ADTRP: variants seen among roughly 807,000 people sequenced by gnomAD.
ADTRP encodes androgen dependent TFPI regulating protein, also known as androgen-dependent TFPI-regulating protein.
In ADTRP, 20 loss-of-function variants were observed where a neutral mutation model predicts 27.0. The ratio of observed to expected loss-of-function variants is 0.74; its 90% confidence interval spans 0.52 to 1.08. ADTRP has a LOEUF of 1.08. Among genes scored for constraint, ADTRP ranks in the 50% least tolerant of loss-of-function variants. ADTRP has a pLI of 0.00. For missense variants in ADTRP, 251 were observed against 275.0 expected, an observed-to-expected ratio of 0.91 and a Z score of 0.62; for synonymous variants, 101 against 105.2, an observed-to-expected ratio of 0.96 and a Z score of 0.25.
At chr6:11,752,078 G>C (rs1183241107) in intron 3 of ADTRP, among the ~76,000 whole-genome samples, 2 of 152,024 alleles carry the variant, frequency 1.3e-5, no homozygotes, top group Non-Finnish European at 1.5e-5. Flanking sequence ...TTGAATCCGA[G>C]GATTACTTTT....
chr6:11,776,397 C>T (rs1013414692), intron 1 of ADTRP, among the ~76,000 whole-genome samples: 1 of 152,062 alleles, frequency 6.6e-6, no homozygotes, highest in African/African-American at 2.4e-5. Context: ...GAAATATAGA[C>T]AGTTAGGGTT....
intron 3 of ADTRP, among the ~76,000 whole-genome samples, chr6:11,757,791 C>T (rs2113303757): frequency 6.6e-6 from 1 of 152,320 alleles, no homozygotes; most frequent in South Asian, 2.1e-4. Flanking sequence ...CTGAAGAAGG[C>T]ATGGAGTAGA....
chr6:11,727,239 C>T lies in ADTRP; in HGVS notation c.507-3739G>A, dbSNP rs184231866. The stretch of plus-strand genomic sequence containing the variant: ...GTTTCACCATGTTGGTCAGGATGGT[C>T]TCAAACTCCTGACCTTGTGATCCGC... On this transcript the variant is annotated intron_variant, in intron 4 of 5. Transcript: ENST00000414691. Among the ~76,000 whole-genome samples the T allele has an allele frequency of 1.8e-3, 281 of 152,184 alleles. 1 individual carries two copies. Among genetic ancestry groups the T allele is most frequent in the Middle Eastern group, 0.01 (3 of 294 alleles).
intron 3 of ADTRP, among the ~76,000 whole-genome samples, chr6:11,750,615 G>A (rs752851683): frequency 3.3e-5 from 5 of 152,278 alleles, no homozygotes; most frequent in Admixed American, 6.5e-5. Flanking sequence ...TCTCCTCCAG[G>A]AGAGGATCAG....
chr6:11,753,214 T>C (rs976210334), intron 3 of ADTRP, among the ~76,000 whole-genome samples: 1 of 152,248 alleles, frequency 6.6e-6, no homozygotes, highest in African/African-American at 2.4e-5. Flanking sequence ...AATCTGACTT[T>C]TAGGGATCAA....
chr6:11,714,309 C>T lies in ADTRP; in HGVS notation c.*169G>A, dbSNP rs995185303. On this transcript the variant is annotated 3_prime_UTR_variant, in exon 6 of 6. Coordinates refer to ENST00000414691, the MANE Select transcript of ADTRP (RefSeq NM_032744.4). ...TCAACCTTTCAAAAAACCAAGAGTT[C>T]TCAAGTTAAGCTACCTTCACGAACC... 12 of 716,034 alleles carry T rather than the reference C, an allele frequency of 1.7e-5. No individual in the cohort carries two copies. The highest frequency in any genetic ancestry group is 4.0e-4 in the Middle Eastern group (1 of 2,494). 44.4% of individuals were successfully genotyped at this position (716,034 alleles called of 1,614,324 possible).
intron 3 of ADTRP, among the ~76,000 whole-genome samples, chr6:11,750,899 C>T (rs9380503): frequency 0.77 from 116,509 of 152,132 alleles, 44,728 homozygotes; most frequent in East Asian, 0.95. Flanking sequence ...TCGCCCAGGC[C>T]GGATTGCAAC....
chr6:11,737,693 G>T (rs1399673500), intron 3 of ADTRP, among the ~76,000 whole-genome samples: 1 of 152,174 alleles, frequency 6.6e-6, no homozygotes, highest in African/African-American at 2.4e-5. Flanking sequence ...GGCCACAGTG[G>T]GGTGGCCCAG....
At chr6:11,744,187 C>A (rs1762797995) in intron 3 of ADTRP, among the ~76,000 whole-genome samples, 1 of 152,174 alleles carries the variant, frequency 6.6e-6, no homozygotes, top group African/African-American at 2.4e-5. Flanking sequence ...TCTTCTCTTT[C>A]CATGTGACAT....
At chr6:11,737,389 G>C (rs915938569) in intron 3 of ADTRP, among the ~76,000 whole-genome samples, 1 of 152,166 alleles carries the variant, frequency 6.6e-6, no homozygotes, top group African/African-American at 2.4e-5. Context: ...AGTCTCTGGA[G>C]CTCGGGAATG....
intron 5 of ADTRP, among the ~76,000 whole-genome samples, chr6:11,719,895 A>ACT (rs5874339): frequency 0.7 from 106,521 of 151,852 alleles, 37,727 homozygotes; most frequent in East Asian, 0.93. Flanking sequence ...GCAGTGACTA[A>ACT]CTGTATGCCA....
chr6:11,749,941 A>G (rs1439024690), intron 3 of ADTRP, among the ~76,000 whole-genome samples: 1 of 152,140 alleles, frequency 6.6e-6, no homozygotes, highest in Non-Finnish European at 1.5e-5. Flanking sequence ...GGCTCAGGAA[A>G]ATGAAGCTAT....
At chr6:11,734,005 A>C (rs1402667558) in intron 4 of ADTRP, among the ~76,000 whole-genome samples, 1 of 152,238 alleles carries the variant, frequency 6.6e-6, no homozygotes, top group Non-Finnish European at 1.5e-5. Flanking sequence ...TAGTAAGTAA[A>C]AGGTAATAAC....
chr6:11,716,003 C>T (rs1761812757), intron 5 of ADTRP, among the ~76,000 whole-genome samples: 1 of 151,820 alleles, frequency 6.6e-6, no homozygotes, highest in African/African-American at 2.4e-5. Context: ...GAATTCTCTC[C>T]TCCCTAGTTA....
chr6:11,729,309 T>C (rs1762311918), intron 4 of ADTRP, among the ~76,000 whole-genome samples: 1 of 152,090 alleles, frequency 6.6e-6, no homozygotes, highest in Non-Finnish European at 1.5e-5. Context: ...TGTTGAGGTG[T>C]CGGCAGTGAT....
intron 1 of ADTRP, among the ~76,000 whole-genome samples, chr6:11,777,467 C>T (rs769264293): frequency 8.8e-4 from 108 of 122,420 alleles, no homozygotes; most frequent in Admixed American, 1.3e-3. Flanking sequence ...TGTGTGTATG[C>T]GCGTGTGTGT....
At chr6:11,772,352 T>C (rs1403337391) in intron 1 of ADTRP, among the ~76,000 whole-genome samples, 1 of 152,242 alleles carries the variant, frequency 6.6e-6, no homozygotes, top group African/African-American at 2.4e-5. Context: ...AAAACTGCAG[T>C]TAAAGGATAT....
rs143156799 is a variant in ADTRP at position 11,719,344 on chromosome 6, C to G, written c.658+4005G>C. Among the ~76,000 whole-genome samples the G allele has an allele frequency of 5.7e-3, 871 of 152,316 alleles. 3 individuals are homozygous for G. The highest frequency in any genetic ancestry group is 0.02 in the African/African-American group (817 of 41,558). On this transcript the variant is annotated intron_variant, in intron 5 of 5. Coordinates refer to ENST00000414691, the MANE Select transcript of ADTRP (RefSeq NM_032744.4). ...CCAAGATCCTCATTTTGATGAGCAT[C>G]AGAGGCCTATACAGGTTTGAGAAGC... is the stretch of plus-strand genomic sequence containing the variant.
intron 3 of ADTRP, among the ~76,000 whole-genome samples, chr6:11,756,359 T>A (rs1763214509): frequency 6.7e-6 from 1 of 150,258 alleles, no homozygotes; most frequent in Non-Finnish European, 1.5e-5. Context: ...TAATAATAAT[T>A]TAATGGTACA....
Sources: allele counts gnomAD v4.1 joint callset (sites outside exome capture counted in the v4.1 genomes callset), GRCh38; gene constraint gnomAD v4.1.1; transcripts MANE v1.5; gene names NCBI Gene and HGNC (gene_info 2026-07-23, HGNC 2026-07-21).